Variants in PHF24 observed in about 807,000 individuals in gnomAD.
The protein encoded by PHF24 is Galpha inhibitory interacting protein.
Under a neutral mutation model 42.6 loss-of-function variants are expected in PHF24, and 25 were observed. The observed-to-expected ratio is 0.59, with a 90% CI of 0.43 to 0.82. PHF24 has a LOEUF of 0.82. PHF24 is among the 40% of genes least tolerant of loss of function. The pLI, the probability that PHF24 is intolerant of heterozygous loss-of-function variation, is 0.00. For missense variants in PHF24, 470 were observed against 538.1 expected, an observed-to-expected ratio of 0.87 and a Z score of 1.25; for synonymous variants, 185 against 204.8, an observed-to-expected ratio of 0.90 and a Z score of 0.83.
the PHF24 span, among the ~76,000 whole-genome samples, chr9:34,682,615 C>A: frequency 6.6e-6 from 1 of 152,252 alleles, no homozygotes; most frequent in East Asian, 1.9e-4. Flanking sequence ...AAGTTAGCCC[C>A]TTTCTGTGTT....
chr9:34,747,491 G>T, the PHF24 span, among the ~76,000 whole-genome samples: 8 of 152,240 alleles, frequency 5.3e-5, no homozygotes, highest in Middle Eastern at 3.4e-3. Flanking sequence ...CAAGGGACCA[G>T]AACAAGCATT....
chr9:34,920,240 A>C, the PHF24 span, among the ~76,000 whole-genome samples: 2 of 152,138 alleles, frequency 1.3e-5, no homozygotes, highest in African/African-American at 4.8e-5. Context: ...CTTTTAGATA[A>C]AAGCCATTTG....
the PHF24 span, among the ~76,000 whole-genome samples, chr9:34,676,348 A>G: frequency 6.6e-6 from 1 of 152,142 alleles, no homozygotes; most frequent in Non-Finnish European, 1.5e-5. Flanking sequence ...CAATGGGGAA[A>G]CCACATCTCT....
At chr9:34,731,550 A>G in the PHF24 span, among the ~76,000 whole-genome samples, 2 of 152,178 alleles carry the variant, frequency 1.3e-5, no homozygotes, top group Non-Finnish European at 2.9e-5. Context: ...GAACATGCAA[A>G]ATTATTTTGC....
At chr9:34,904,928 C>T in the PHF24 span, among the ~76,000 whole-genome samples, 1 of 151,652 alleles carries the variant, frequency 6.6e-6, no homozygotes, top group South Asian at 2.1e-4. Flanking sequence ...CTGGATTACA[C>T]ATTCATCAGA....
chr9:34,949,617 A>C, the PHF24 span, among the ~76,000 whole-genome samples: 1 of 152,254 alleles, frequency 6.6e-6, no homozygotes, highest in East Asian at 1.9e-4. Context: ...CATCAGTGAT[A>C]GACTGGATAA....
At chr9:34,795,777 A>T in the PHF24 span, among the ~76,000 whole-genome samples, 6 of 152,178 alleles carry the variant, frequency 3.9e-5, no homozygotes, top group Non-Finnish European at 5.9e-5. Context: ...TGGGAGAATC[A>T]TCTGAGCCCA....
At chr9:34,952,487 G>T in the PHF24 span, among the ~76,000 whole-genome samples, 1 of 152,058 alleles carries the variant, frequency 6.6e-6, no homozygotes, top group Non-Finnish European at 1.5e-5. Context: ...ATGCCACCAG[G>T]ATTTTTTAAT....
the PHF24 span, among the ~76,000 whole-genome samples, chr9:34,945,451 GAC>G: frequency 6.6e-6 from 1 of 152,210 alleles, no homozygotes; most frequent in African/African-American, 2.4e-5. Flanking sequence ...GTGTAGGTGA[GAC>G]AGAAAGAAAG....
chr9:34,960,177 T>G (rs890192567), intron 1 of PHF24, among the ~76,000 whole-genome samples: 18 of 151,948 alleles, frequency 1.2e-4, no homozygotes, highest in African/African-American at 4.1e-4. Context: ...AAAAACGGAG[T>G]GGTGAGAGGG....
chr9:34,726,881 C>T, the PHF24 span: 9 of 1,551,688 alleles, frequency 5.8e-6, no homozygotes, highest in African/African-American at 1.2e-4. Flanking sequence ...GTTGTTCTCA[C>T]CCACCAGCAA....
At chr9:34,748,174 T>C in the PHF24 span, among the ~76,000 whole-genome samples, 1 of 152,348 alleles carries the variant, frequency 6.6e-6, no homozygotes, top group East Asian at 1.9e-4. Context: ...ATTTCTCAAA[T>C]ATCATAGAAG....
the PHF24 span, among the ~76,000 whole-genome samples, chr9:34,811,025 T>A: frequency 2.6e-5 from 4 of 152,182 alleles, no homozygotes; most frequent in African/African-American, 7.2e-5. Flanking sequence ...GAATAAAGGA[T>A]GTATAGGGTT....
At chr9:34,971,663 A>G in exon 2 of PHF24, 1 of 1,609,652 alleles carries the variant, frequency 6.2e-7, no homozygotes. Context: ...ATCTGCCTGG[A>G]GCCCAGAGAG....
the PHF24 span, among the ~76,000 whole-genome samples, chr9:34,823,164 C>T: frequency 7.4e-6 from 1 of 135,292 alleles, no homozygotes; most frequent in African/African-American, 2.8e-5. Context: ...CCACTGCAGT[C>T]CGCAGTCCGG....
chr9:34,911,357 C>T, the PHF24 span, among the ~76,000 whole-genome samples: 1 of 152,042 alleles, frequency 6.6e-6, no homozygotes, highest in South Asian at 2.1e-4. Flanking sequence ...TGGGTTCAAG[C>T]AATTCTCTGC....
At chr9:34,883,592 C>T in the PHF24 span, among the ~76,000 whole-genome samples, 1 of 152,208 alleles carries the variant, frequency 6.6e-6, no homozygotes, top group Admixed American at 6.5e-5. Flanking sequence ...GACATTTATG[C>T]AGCCAACAGA....
the PHF24 span, among the ~76,000 whole-genome samples, chr9:34,716,945 T>TA: frequency 3.9e-5 from 6 of 152,128 alleles, no homozygotes; most frequent in African/African-American, 1.4e-4. Flanking sequence ...GAGAGGGACT[T>TA]ACGCTTCTGC....
At chr9:34,738,546 C>G in the PHF24 span, among the ~76,000 whole-genome samples, 2 of 152,064 alleles carry the variant, frequency 1.3e-5, no homozygotes, top group South Asian at 4.2e-4. Flanking sequence ...TGGGGTTTCA[C>G]TGTGTTAGCC....
Sources: allele counts gnomAD v4.1 joint callset (sites outside exome capture counted in the v4.1 genomes callset), GRCh38; gene constraint gnomAD v4.1.1; transcripts MANE v1.5; gene names NCBI Gene and HGNC (gene_info 2026-07-23, HGNC 2026-07-21).